Variants in SLC6A19 observed in about 807,000 individuals in gnomAD.
SLC6A19 encodes the protein sodium-dependent neutral amino acid transporter B(0)AT1.
A neutral mutation model predicts 68.3 loss-of-function variants in SLC6A19; 67 were observed. The ratio of observed to expected loss-of-function variants is 0.98; its 90% CI spans 0.81 to 1.20. The LOEUF (loss-of-function observed/expected upper bound fraction) is 1.20. Among genes scored for constraint, SLC6A19 ranks in the 50% most tolerant of loss-of-function variants. SLC6A19 has a pLI of 0.00. For synonymous variants in SLC6A19, 392 were observed against 374.9 expected, an observed-to-expected ratio of 1.05 and a Z score of -0.53; for missense variants, 813 against 851.6, an observed-to-expected ratio of 0.95 and a Z score of 0.56.
Position 1,222,441 on chromosome 5 carries a change from G to A in SLC6A19, c.*537G>A, listed in dbSNP as rs182000949. On this transcript the variant is annotated 3_prime_UTR_variant, in exon 12 of 12. Coordinates refer to ENST00000304460, the MANE Select transcript of SLC6A19 (RefSeq NM_001003841.3). ...TACATGCATGCAATTGTGTGTATGT[G>A]TGTTCTGTGTGTGCGTTTGCAAGTA... The A allele has an allele frequency of 2.5e-4, 112 of 439,596 alleles. No homozygotes were observed. Among genetic ancestry groups the A allele is most frequent in the African/African-American group, 1.9e-3 (98 of 50,952 alleles). 27.2% of individuals were successfully genotyped at this position (439,596 alleles called of 1,614,324 possible).
At position 1,214,956 on chromosome 5, in the gene SLC6A19, G is replaced by A. The variant is rs1746167648; in HGVS notation, c.887+891G>A. 6.6e-6 allele frequency among the ~76,000 whole-genome samples: 1 copy of A among 152,062 alleles called. No homozygotes were observed. The stretch of plus-strand genomic sequence containing the variant: ...CTTGGCAGGTGCAGAGCCCAGGCAG[G>A]GAGGGCTGGGGTGCAGAGGGAGATG... On this transcript the variant is annotated intron_variant, in intron 6 of 11. Transcript: ENST00000304460. This position sits in a 1 kb window ranked among gnomAD's most constrained non-coding sequence, Gnocchi z 7.4.
At chr5:1,220,790 G>T (rs1303471639) in intron 10 of SLC6A19, among the ~76,000 whole-genome samples, 1 of 152,212 alleles carries the variant, frequency 6.6e-6, no homozygotes, top group East Asian at 1.9e-4. Flanking sequence ...GGGGTTTTCT[G>T]ACTTCAGGGT....
In SLC6A19 at chr5:1,222,860, T is replaced by C. The variant is rs1174662361; in HGVS notation, c.*956T>C. 1.3e-5 allele frequency: 2 copies of C among 152,316 alleles called. No individual in the cohort carries two copies. The highest frequency in any genetic ancestry group is 2.9e-5 in the Non-Finnish European group (2 of 68,128). The allele number at this position is 152,316 out of a possible 1,614,324, so 9.4% of individuals were successfully genotyped here. ...CTGGGGACGTGCTGTGCCCTGCACG[T>C]GCCCGGGGGAAGCGGAAGCTGCAGC... On this transcript the variant is annotated 3_prime_UTR_variant, in exon 12 of 12. Coordinates refer to ENST00000304460, the MANE Select transcript of SLC6A19 (RefSeq NM_001003841.3).
chr5:1,201,849 G>A lies in SLC6A19; in HGVS notation c.199G>A (p.Gly67Arg), dbSNP rs2126488075. The change falls in exon 1 of 12, where the codon GGA becomes AGA. Residue 67 changes from glycine (G) to arginine (R), a missense_variant. By Grantham distance (125) the Gly-to-Arg change is moderately radical. Coordinates refer to ENST00000304460, the MANE Select transcript of SLC6A19 (RefSeq NM_001003841.3). ...RFPYLCQSHG[G>R]GAFMIPFLIL... ...CCCCTACCTGTGTCAGAGCCACGGA[G>A]GAGGTAGGCTGGCCGGGCGGGGCTG... The A allele has an allele frequency of 6.2e-7, 1 of 1,610,042 alleles. No individual in the cohort carries two copies. The highest frequency in any genetic ancestry group is 8.5e-7 in the Non-Finnish European group (1 of 1,179,442).
rs116296923 is a variant in SLC6A19, at chr5:1,207,629, C to T, written c.203-1117C>T. Among the ~76,000 whole-genome samples the T allele has an allele frequency of 6.7e-3, 1,020 of 152,356 alleles. 14 individuals are homozygous for T. The highest frequency in any genetic ancestry group is 0.023 in the African/African-American group (950 of 41,576). ...GCGCCTGATGATGGCAGGAGCCACT[C>T]GGCTTCCTCTCAGGATCAGCACATC... On this transcript the variant is annotated intron_variant, in intron 1 of 11. Transcript: ENST00000304460.
chr5:1,203,999 G>A (rs1203811067), intron 1 of SLC6A19, among the ~76,000 whole-genome samples: 8 of 152,222 alleles, frequency 5.3e-5, no homozygotes. Flanking sequence ...AGTGGGGCAG[G>A]CTGCGTCCCT....
At chr5:1,217,974 G>A (rs1579516753) in intron 8 of SLC6A19, among the ~76,000 whole-genome samples, 1 of 151,908 alleles carries the variant, frequency 6.6e-6, no homozygotes, top group African/African-American at 2.4e-5. Context: ...GTGCCATTCC[G>A]AGAAGCACCA....
chr5:1,201,753 T>C lies in SLC6A19; in HGVS notation c.103T>C (p.Trp35Arg). 1 of 1,612,732 alleles carries C rather than the reference T, an allele frequency of 6.2e-7. No individual in the cohort carries two copies. The highest frequency in any genetic ancestry group is 8.5e-7 in the Non-Finnish European group (1 of 1,179,890). Residue 35 changes from tryptophan to arginine, a missense_variant, in exon 1 of 12, where the codon TGG (tryptophan) becomes CGG (arginine). Coordinates refer to ENST00000304460, the MANE Select transcript of SLC6A19 (RefSeq NM_001003841.3). ...GGAGGAGGCCAGCTCCCGGCCGAAG[T>C]GGGACAACAAGGCGCAGTACATGCT... is the stretch of plus-strand genomic sequence containing the variant. ...EQEEASSRPK[W>R]DNKAQYMLTC...
At chr5:1,218,571 G>A (rs930057817) in intron 8 of SLC6A19, among the ~76,000 whole-genome samples, 1 of 152,208 alleles carries the variant, frequency 6.6e-6, no homozygotes, top group Non-Finnish European at 1.5e-5. Flanking sequence ...CAGGTGACTC[G>A]CGTAACACCT....
rs548106604 is a variant in SLC6A19, at chr5:1,223,338, A to T, written c.*1434A>T. On this transcript the variant is annotated 3_prime_UTR_variant, in exon 12 of 12. Transcript: ENST00000304460. ...TGAATTTTTAGCCAGCCTTTGGAAA[A>T]GATGGGTTACAGGGTAACTCAACCC... 3.9e-5 allele frequency: 6 copies of T among 152,378 alleles called. No individual in the cohort carries two copies. Among genetic ancestry groups the T allele is most frequent in the Non-Finnish European group, 7.3e-5 (5 of 68,040 alleles). The allele number at this position is 152,378 out of a possible 1,614,324, so 9.4% of individuals were successfully genotyped here.
chr5:1,213,853 C>T, intron 5 of SLC6A19, 100 bp from the exon 6 acceptor site: 1 of 1,580,134 alleles, frequency 6.3e-7, no homozygotes, highest in Non-Finnish European at 8.6e-7. Context: ...CTGACCACCC[C>T]AATAGCCTCG....
chr5:1,206,222 T>C (rs34340463), intron 1 of SLC6A19, among the ~76,000 whole-genome samples: 5,652 of 151,794 alleles, frequency 0.037, 167 homozygotes, highest in Non-Finnish European at 0.055. Context: ...GTACCTGGCT[T>C]CTCCCTCCCT....
chr5:1,214,491 C>T lies in SLC6A19; in HGVS notation c.887+426C>T, dbSNP rs115974489. Among the ~76,000 whole-genome samples, 3,174 of 152,298 alleles carry T rather than the reference C, an allele frequency of 0.021. 55 individuals carry two copies. Among genetic ancestry groups the T allele is most frequent in the South Asian group, 0.043 (206 of 4,828 alleles). ...CTGCCCCTTCCCCACGTACCCACTG[C>T]GCTTCCCAATGCCCCTGGGAAGGAT... is the stretch of plus-strand genomic sequence containing the variant. On this transcript the variant is annotated intron_variant, in intron 6 of 11. Coordinates refer to ENST00000304460, the MANE Select transcript of SLC6A19 (RefSeq NM_001003841.3). This position sits in a 1 kb window ranked among gnomAD's most constrained non-coding sequence, Gnocchi z 7.4.
In SLC6A19 at chr5:1,214,066, G is replaced by T; in HGVS notation, c.887+1G>T. The T allele has an allele frequency of 6.2e-7, 1 of 1,613,818 alleles. No individual in the cohort carries two copies. The highest frequency in any genetic ancestry group is 8.5e-7 in the Non-Finnish European group (1 of 1,179,986). On this transcript the variant is annotated splice_donor_variant, in intron 6 of 11. Coordinates refer to ENST00000304460, the MANE Select transcript of SLC6A19 (RefSeq NM_001003841.3). LOFTEE classifies it high-confidence loss of function. This position sits in a 1 kb window ranked among gnomAD's most constrained non-coding sequence, Gnocchi z 7.4. ...CCTTCTCCAGCTACAACTCTGTGCA[G>T]TGAGTGCGGGTGTGGTGGGCCTCAG...
chr5:1,214,198 C>T lies in SLC6A19; in HGVS notation c.887+133C>T. The stretch of plus-strand genomic sequence containing the variant: ...CTTGCTGCCCCGATGGGCCCGTTCC[C>T]TCCTGCTCGGGGTCCATGTGAGCTG... On this transcript the variant is annotated intron_variant, in intron 6 of 11. Transcript: ENST00000304460. The surrounding 1 kb of genome is among the most constrained non-coding windows in gnomAD (Gnocchi z 7.4). The T allele has an allele frequency of 6.7e-7, 1 of 1,501,690 alleles. No individual in the cohort carries two copies. Among genetic ancestry groups the T allele is most frequent in the Non-Finnish European group, 8.9e-7 (1 of 1,119,628 alleles). The allele number at this position is 1,501,690 out of a possible 1,614,324, so 93.0% of individuals were successfully genotyped here.
intron 1 of SLC6A19, among the ~76,000 whole-genome samples, chr5:1,203,048 G>T (rs1404869290): frequency 6.6e-6 from 1 of 152,102 alleles, no homozygotes; most frequent in Non-Finnish European, 1.5e-5. Context: ...CTCCCCCAGG[G>T]CCCTATCCTG....
rs932618597 is a variant in SLC6A19, at chr5:1,213,664, G to A, written c.774+91G>A. On this transcript the variant is annotated intron_variant, in intron 5 of 11. Transcript: ENST00000304460. ...AGCCTCAATACCAGCTCTCACCCAC[G>A]GGGACAGGCAGCCTGCTGCTCGACC... The A allele has an allele frequency of 2.5e-5, 32 of 1,291,960 alleles. No individual in the cohort carries two copies. The African/African-American group carries it at 2.7e-4, about 11-fold the overall frequency. 80.0% of individuals were successfully genotyped at this position (1,291,960 alleles called of 1,614,324 possible). A position where few individuals can be genotyped will look rare whatever the true frequency, so the allele number is the denominator to read the frequency against.
chr5:1,223,231 T>C lies in SLC6A19; in HGVS notation c.*1327T>C, dbSNP rs1291949434. On this transcript the variant is annotated 3_prime_UTR_variant, in exon 12 of 12. Coordinates refer to ENST00000304460, the MANE Select transcript of SLC6A19 (RefSeq NM_001003841.3). ...CATTGCTCCTGCCACCACAAATAGA[T>C]GAGCAGTTAAATAAAACTCAACTTG... 1 of 152,246 alleles carries C rather than the reference T, an allele frequency of 6.6e-6. No individual in the cohort carries two copies. The highest frequency in any genetic ancestry group is 1.5e-5 in the Non-Finnish European group (1 of 68,052). The allele number at this position is 152,246 out of a possible 1,614,324, so 9.4% of individuals were successfully genotyped here.
Position 1,216,828 on chromosome 5 carries a change from AGGCAAC to A in SLC6A19, c.1058_1063del (p.Gly353_Asn354del). ...TCATCAACGGGTTCGACCTGCCTGA[AGGCAAC>A]GTGACCCAGGAGAACTTTGTGGACA... is the stretch of plus-strand genomic sequence containing the variant. On this transcript the variant is annotated inframe_deletion, in exon 8 of 12. Coordinates refer to ENST00000304460, the MANE Select transcript of SLC6A19 (RefSeq NM_001003841.3). 6.2e-7 allele frequency: 1 copy of A among 1,613,812 alleles called. No individual in the cohort carries two copies.
Sources: allele counts gnomAD v4.1 joint callset (sites outside exome capture counted in the v4.1 genomes callset), GRCh38; gene constraint gnomAD v4.1.1; non-coding constraint Gnocchi (gnomAD v3.1); transcripts MANE v1.5; gene names NCBI Gene and HGNC (gene_info 2026-07-23, HGNC 2026-07-21).